SGCD: variants seen among roughly 807,000 people sequenced by gnomAD.
The protein encoded by SGCD is sarcoglycan delta.
Under a neutral mutation model 36.6 loss-of-function variants are expected in SGCD, and 18 were observed. The ratio of observed to expected loss-of-function variants is 0.49; its 90% CI spans 0.34 to 0.73. The LOEUF is 0.73. SGCD is among the 30% of genes least tolerant of loss of function. SGCD has a pLI of 0.01. For missense variants in SGCD, 387 were observed against 346.7 expected (o/e 1.12, Z -0.92); for synonymous variants, 133 against 130.6 (o/e 1.02, Z -0.12).
At chr5:156,185,852 G>T (rs12234031) in intron 3 of SGCD, among the ~76,000 whole-genome samples, 2,054 of 5,114 alleles carry the variant, frequency 0.4, 221 homozygotes, top group African/African-American at 0.51. Context: ...TATATATATA[G>T]AGAGAGAGAG....
intron 3 of SGCD, among the ~76,000 whole-genome samples, chr5:156,233,468 G>A (rs1191132928): frequency 6.6e-6 from 1 of 152,222 alleles, no homozygotes; most frequent in Non-Finnish European, 1.5e-5. Context: ...TAAAAGCTCG[G>A]GTATTTAGTA....
chr5:156,390,093 A>G (rs1413441763), intron 3 of SGCD, among the ~76,000 whole-genome samples: 1 of 152,320 alleles, frequency 6.6e-6, no homozygotes, highest in East Asian at 1.9e-4. Context: ...AGTTGTATAA[A>G]AGTATAGCAC....
intron 3 of SGCD, among the ~76,000 whole-genome samples, chr5:156,204,806 A>C (rs1040255175): frequency 3.3e-5 from 5 of 152,090 alleles, no homozygotes; most frequent in Non-Finnish European, 7.4e-5. Flanking sequence ...AAATAGCAAG[A>C]TGTAAGTCGT....
the SGCD span, among the ~76,000 whole-genome samples, chr5:155,734,383 A>G: frequency 4.0e-5 from 6 of 150,896 alleles, no homozygotes; most frequent in Non-Finnish European, 5.9e-5. Flanking sequence ...TAATTTTTGC[A>G]TTTTTTTTGT....
Position 156,476,425 on chromosome 5 carries a change from TAA to T in SGCD, c.193-32173_193-32172del, listed in dbSNP as rs372264390. ...CTGAGAGGGAGTGAATTAAAAGAAA[TAA>T]AAGATTCCATAATCTTTATTTTTTA... On this transcript the variant is annotated intron_variant, in intron 3 of 8. Transcript: ENST00000337851. Among the ~76,000 whole-genome samples, 65 of 152,284 alleles carry T rather than the reference TAA, an allele frequency of 4.3e-4. 1 individual carries two copies. The South Asian group carries it at 0.013, about 30-fold the overall frequency.
intron 7 of SGCD, among the ~76,000 whole-genome samples, chr5:156,714,591 C>T (rs1165411044): frequency 2.6e-5 from 4 of 152,170 alleles, no homozygotes; most frequent in African/African-American, 9.7e-5. Flanking sequence ...GAAACCTAAG[C>T]CTATGTTTCC....
the SGCD span, among the ~76,000 whole-genome samples, chr5:155,762,488 A>G: frequency 2.6e-5 from 4 of 152,194 alleles, no homozygotes; most frequent in South Asian, 6.2e-4. Flanking sequence ...GTATGTTTTA[A>G]TAACCATAGT....
chr5:156,358,099 T>C (rs889984919), intron 3 of SGCD, among the ~76,000 whole-genome samples: 1 of 152,218 alleles, frequency 6.6e-6, no homozygotes, highest in African/African-American at 2.4e-5. Context: ...TAAGTAACCA[T>C]GTTTTCTCTC....
chr5:156,072,839 C>A (rs1160967467), intron 1 of SGCD, among the ~76,000 whole-genome samples: 1 of 152,038 alleles, frequency 6.6e-6, no homozygotes, highest in Non-Finnish European at 1.5e-5. Context: ...TCTTTTTGTT[C>A]TTTTTTCTCT....
At chr5:155,798,625 G>A in the SGCD span, among the ~76,000 whole-genome samples, 6 of 152,240 alleles carry the variant, frequency 3.9e-5, no homozygotes, top group South Asian at 2.1e-4. Context: ...CTCTTCTAAT[G>A]TTACATCTTA....
chr5:155,826,630 C>T, the SGCD span, among the ~76,000 whole-genome samples: 1 of 152,224 alleles, frequency 6.6e-6, no homozygotes, highest in East Asian at 1.9e-4. Context: ...ATCACTTCTT[C>T]AGGTAGATCT....
intron 4 of SGCD, among the ~76,000 whole-genome samples, chr5:156,521,016 C>CAAAAA (rs3075012): frequency 2.1e-4 from 12 of 56,720 alleles, no homozygotes; most frequent in Admixed American, 4.3e-4. Flanking sequence ...GACTCCGTCT[C>CAAAAA]AAAAAAAAAA....
intron 3 of SGCD, among the ~76,000 whole-genome samples, chr5:156,205,423 T>G (rs887295696): frequency 2.0e-5 from 3 of 152,084 alleles, no homozygotes; most frequent in Non-Finnish European, 2.9e-5. Flanking sequence ...TGCTGAAGAA[T>G]AGTAGAAGAG....
chr5:155,911,319 G>GTGTGTGTGTATA (rs145927722), intron 1 of SGCD, among the ~76,000 whole-genome samples: 2 of 141,380 alleles, frequency 1.4e-5, no homozygotes, highest in African/African-American at 2.6e-5. Context: ...GTGTGTGTGT[G>GTGTGTGTGTATA]TATATATATA....
intron 1 of SGCD, among the ~76,000 whole-genome samples, chr5:155,888,285 A>C (rs1478548816): frequency 6.6e-6 from 1 of 152,194 alleles, no homozygotes; most frequent in African/African-American, 2.4e-5. Context: ...CAAACTTTCA[A>C]TGGTTCTTCA....
intron 3 of SGCD, among the ~76,000 whole-genome samples, chr5:156,488,336 C>T (rs1755795937): frequency 6.6e-6 from 1 of 151,798 alleles, no homozygotes; most frequent in South Asian, 2.1e-4. Context: ...CAAATGGATT[C>T]AACCCAACAA....
intron 3 of SGCD, among the ~76,000 whole-genome samples, chr5:156,275,873 G>A (rs1303487341): frequency 6.6e-6 from 1 of 152,110 alleles, no homozygotes; most frequent in Non-Finnish European, 1.5e-5. Context: ...TCCTTATCAG[G>A]ACCTCATCTA....
chr5:156,146,325 T>C (rs1365006722), intron 3 of SGCD, among the ~76,000 whole-genome samples: 1 of 152,206 alleles, frequency 6.6e-6, no homozygotes, highest in East Asian at 1.9e-4. Flanking sequence ...AATGAATAAT[T>C]TATATTGTCA....
At chr5:156,493,912 C>T (rs1224762938) in intron 3 of SGCD, among the ~76,000 whole-genome samples, 2 of 152,146 alleles carry the variant, frequency 1.3e-5, no homozygotes, top group African/African-American at 4.8e-5. Context: ...GTACCTGCCT[C>T]TCACGGCCTT....
Sources: allele counts gnomAD v4.1 joint callset (sites outside exome capture counted in the v4.1 genomes callset), GRCh38; gene constraint gnomAD v4.1.1; transcripts MANE v1.5; gene names NCBI Gene and HGNC (gene_info 2026-07-23, HGNC 2026-07-21).